CGGBP1: variants seen among roughly 807,000 people sequenced by gnomAD.
CGGBP1 encodes CGG triplet repeat binding protein 1.
A neutral mutation model predicts 11.4 loss-of-function variants in CGGBP1; 4 were observed. That is an observed-to-expected ratio of 0.35 (90% CI 0.17 to 0.80). The LOEUF (loss-of-function observed/expected upper bound fraction) is 0.80. Among genes scored for constraint, CGGBP1 ranks in the 30% least tolerant of loss-of-function variants. The probability of loss-of-function intolerance (pLI) is 0.52; values close to 1 mark genes in which losing one functional copy is unlikely to be tolerated. For synonymous variants in CGGBP1, 76 were observed against 74.1 expected (o/e 1.03, Z -0.13); for missense variants, 135 against 202.1 (o/e 0.67, Z 2.01).
intron 2 of CGGBP1, among the ~76,000 whole-genome samples, chr3:88,093,955 A>G (rs572511538): frequency 6.6e-6 from 1 of 152,298 alleles, no homozygotes; most frequent in South Asian, 2.1e-4. Context: ...GACTCTTTAT[A>G]TTGACGAACA....
chr3:88,141,289 T>C (rs1707114529), intron 1 of CGGBP1, among the ~76,000 whole-genome samples: 1 of 152,118 alleles, frequency 6.6e-6, no homozygotes, highest in African/African-American at 2.4e-5. Context: ...GCCTATGAAC[T>C]TGTGCAAGGC....
At chr3:88,056,057 A>G in intron 3 of CGGBP1, 58 bp from the exon 4 acceptor site, 1 of 1,330,496 alleles carries the variant, frequency 7.5e-7, no homozygotes, top group South Asian at 1.4e-5. Flanking sequence ...TCTGGAAGTA[A>G]TGAACAATAA....
At chr3:88,110,833 C>A (rs574060817) in intron 2 of CGGBP1, among the ~76,000 whole-genome samples, 1 of 152,212 alleles carries the variant, frequency 6.6e-6, no homozygotes, top group East Asian at 1.9e-4. Flanking sequence ...TTCATAAATA[C>A]TTGCTGACTT....
intron 2 of CGGBP1, among the ~76,000 whole-genome samples, chr3:88,069,339 T>C (rs1042095057): frequency 7.9e-5 from 12 of 152,126 alleles, no homozygotes; most frequent in African/African-American, 2.9e-4. Context: ...GGAGAATCAC[T>C]TGAACTCTGG....
intron 2 of CGGBP1, among the ~76,000 whole-genome samples, chr3:88,065,640 A>C (rs1351098312): frequency 2.6e-5 from 4 of 152,114 alleles, no homozygotes. Flanking sequence ...AGTTTTTTAA[A>C]AATTAAACCT....
chr3:88,088,498 A>C lies in CGGBP1; in HGVS notation c.-228-30275T>G, dbSNP rs144834307. ...TGAAAGGAATAATGAGATATGAAAA[A>C]TGAATTTGAAATTAAGAAAATATGA... On this transcript the variant is annotated intron_variant, in intron 2 of 3. Coordinates refer to the CGGBP1 transcript ENST00000462901. Among the ~76,000 whole-genome samples, 574 of 152,308 alleles carry C rather than the reference A, an allele frequency of 3.8e-3. 1 individual carries two copies. Among genetic ancestry groups the C allele is most frequent in the Middle Eastern group, 6.8e-3 (2 of 294 alleles).
At chr3:88,121,508 G>T (rs1011882644) in intron 2 of CGGBP1, among the ~76,000 whole-genome samples, 6 of 151,946 alleles carry the variant, frequency 3.9e-5, no homozygotes, top group Non-Finnish European at 7.4e-5. Context: ...TATTTTATAT[G>T]GGCAAGCTCA....
At chr3:88,116,510 G>T (rs1705403201) in intron 2 of CGGBP1, among the ~76,000 whole-genome samples, 1 of 151,354 alleles carries the variant, frequency 6.6e-6, no homozygotes, top group African/African-American at 2.4e-5. Context: ...GGCAACAAGA[G>T]CGAAACTCTG....
At chr3:88,063,662 A>T (rs1194790202), upstream of CGGBP1, among the ~76,000 whole-genome samples, 3 of 152,164 alleles carry the variant, frequency 2.0e-5, no homozygotes, top group Admixed American at 6.5e-5. Flanking sequence ...TTAAGAAGTC[A>T]TATAAGGCCT....
At chr3:88,097,401 C>T (rs1463521012) in intron 2 of CGGBP1, among the ~76,000 whole-genome samples, 1 of 151,860 alleles carries the variant, frequency 6.6e-6, no homozygotes, top group African/African-American at 2.4e-5. Context: ...TTAACACCCA[C>T]TGTCAATATT....
intron 2 of CGGBP1, among the ~76,000 whole-genome samples, chr3:88,100,240 T>C (rs377574332): frequency 1.3e-5 from 2 of 152,244 alleles, no homozygotes; most frequent in East Asian, 3.9e-4. Context: ...CATCACTGGC[T>C]ATCAGAGAAA....
At chr3:88,129,841 A>G in intron 2 of CGGBP1, 4 of 1,406,150 alleles carry the variant, frequency 2.8e-6, no homozygotes, top group Non-Finnish European at 3.7e-6. Context: ...GTGTTTGTAA[A>G]TAAAGAAATT....
chr3:88,059,507 TGAGGCGTCCGTTGGCCGCCCC>T, upstream of CGGBP1: 6 of 1,472,964 alleles, frequency 4.1e-6, no homozygotes, highest in Non-Finnish European at 5.4e-6. Flanking sequence ...TTCTGTCAGG[TGAGGCGTCCGTTGGCCGCCCC>T]GACTTGTCAC....
At chr3:88,071,522 T>C (rs2107615297) in intron 2 of CGGBP1, among the ~76,000 whole-genome samples, 1 of 152,322 alleles carries the variant, frequency 6.6e-6, no homozygotes, top group African/African-American at 2.4e-5. Context: ...AGCGGGCGCC[T>C]GTAGTCCCAG....
At chr3:88,129,680 C>T in intron 2 of CGGBP1, 1 of 1,456,760 alleles carries the variant, frequency 6.9e-7, no homozygotes, top group Non-Finnish European at 9.1e-7. Flanking sequence ...CTCTTTTCCT[C>T]TTACAGCATT....
chr3:88,138,626 T>C (rs980868435), intron 2 of CGGBP1: 2 of 817,464 alleles, frequency 2.4e-6, no homozygotes, highest in East Asian at 3.4e-5. Context: ...ATTTTAAGAG[T>C]TGTGTTTTTT....
upstream of CGGBP1, among the ~76,000 whole-genome samples, chr3:88,061,571 C>T (rs1013459072): frequency 6.6e-6 from 1 of 152,070 alleles, no homozygotes; most frequent in Non-Finnish European, 1.5e-5. Flanking sequence ...CCTGGTTTTA[C>T]TTTGCAGGTG....
chr3:88,139,276 C>G, intron 2 of CGGBP1: 1 of 1,556,024 alleles, frequency 6.4e-7, no homozygotes, highest in Non-Finnish European at 8.6e-7. Flanking sequence ...CTCAGTACTT[C>G]CAAAGTAGAT....
intron 2 of CGGBP1, among the ~76,000 whole-genome samples, chr3:88,111,746 T>C (rs1445512794): frequency 6.6e-6 from 1 of 151,980 alleles, no homozygotes; most frequent in Non-Finnish European, 1.5e-5. Context: ...GTGTACATTT[T>C]AAATTGTGAT....
Sources: gnomAD v4.1 joint callset for allele counts (sites outside exome capture counted in the v4.1 genomes callset) on GRCh38, gnomAD v4.1.1 for gene constraint, MANE v1.5 for transcripts, NCBI Gene and HGNC (gene_info 2026-07-23, HGNC 2026-07-21) for gene names.